The following BARD1 variants were observed in gnomAD, a reference collection of about 807,000 sequenced individuals.
BARD1 encodes the protein BRCA1 associated RING domain 1.
Under a neutral mutation model 77.0 loss-of-function variants are expected in BARD1, and 73 were observed. The ratio of observed to expected loss-of-function variants is 0.95; its 90% CI spans 0.79 to 1.15. The LOEUF (loss-of-function observed/expected upper bound fraction) is 1.15, where lower values mean the gene tolerates loss of function less well. Ranked by LOEUF, BARD1 falls within the 50% of genes most tolerant of loss-of-function variation. The probability of loss-of-function intolerance (pLI) is 0.00; values close to 1 mark genes in which losing one functional copy is unlikely to be tolerated. For missense variants in BARD1, 993 were observed against 938.8 expected (o/e 1.06, Z -0.75); for synonymous variants, 384 against 338.0 (o/e 1.14, Z -1.49).
intron 6 of BARD1, among the ~76,000 whole-genome samples, chr2:214,756,459 C>A (rs1377814965): frequency 1.3e-5 from 2 of 152,144 alleles, no homozygotes; most frequent in African/African-American, 4.8e-5. Flanking sequence ...ACCATTTGAT[C>A]CAGCAATCCC....
intron 1 of BARD1, among the ~76,000 whole-genome samples, chr2:214,800,786 G>C (rs1695982073): frequency 6.6e-6 from 1 of 152,032 alleles, no homozygotes; most frequent in South Asian, 2.1e-4. Flanking sequence ...AAGGAATCAG[G>C]ATAGCATAAG....
At chr2:214,747,341 C>T (rs1196600140) in intron 7 of BARD1, among the ~76,000 whole-genome samples, 3 of 144,586 alleles carry the variant, frequency 2.1e-5, no homozygotes, top group Admixed American at 7.0e-5. Context: ...TTTGACCCAG[C>T]CATCCCATTA....
chr2:214,794,113 C>G (rs997789901), intron 2 of BARD1, among the ~76,000 whole-genome samples: 2 of 151,892 alleles, frequency 1.3e-5, no homozygotes, highest in African/African-American at 2.4e-5. Context: ...ATTAGCCAGG[C>G]GTGGTGGGGT....
chr2:214,754,000 TCA>T, intron 6 of BARD1, among the ~76,000 whole-genome samples: 1 of 152,234 alleles, frequency 6.6e-6, no homozygotes, highest in African/African-American at 2.4e-5. Context: ...GTGACACATG[TCA>T]CAGTATACAT....
intron 3 of BARD1, 145 bp downstream of exon 3, chr2:214,792,152 A>T (rs1389233767): frequency 1.2e-5 from 7 of 575,594 alleles, no homozygotes; most frequent in Non-Finnish European, 1.8e-5. Flanking sequence ...TGGCTATTTA[A>T]AAAAAAAAAA....
intron 4 of BARD1, among the ~76,000 whole-genome samples, chr2:214,771,016 T>C (rs1559413765): frequency 6.6e-6 from 1 of 152,200 alleles, no homozygotes; most frequent in Non-Finnish European, 1.5e-5. Flanking sequence ...AGCTGTAATA[T>C]AAAGGATACT....
intron 1 of BARD1, among the ~76,000 whole-genome samples, chr2:214,805,511 A>G (rs1421686809): frequency 6.6e-6 from 1 of 152,224 alleles, no homozygotes; most frequent in East Asian, 1.9e-4. Context: ...CAGAGAACCT[A>G]TCCTTTATTT....
chr2:214,796,542 A>G (rs1695762256), intron 2 of BARD1, among the ~76,000 whole-genome samples: 1 of 152,202 alleles, frequency 6.6e-6, no homozygotes, highest in South Asian at 2.1e-4. Flanking sequence ...GCTAGGGGAA[A>G]GGCAAGGAGC....
In BARD1 at chr2:214,780,677, T is replaced by TC; in HGVS notation, c.1196_1197insG (p.Ser400LysfsTer2). The TC allele has an allele frequency of 6.2e-7, 1 of 1,614,116 alleles. No individual in the cohort carries two copies. Among genetic ancestry groups the TC allele is most frequent in the Non-Finnish European group, 8.5e-7 (1 of 1,179,998 alleles). ...TCACTCGCCTGTAACTTGAACTACT[T>TC]AATGTAGAAGGTGGTGTACCTGGTG... On this transcript the variant is annotated frameshift_variant, in exon 4 of 11. Coordinates refer to ENST00000260947, the MANE Select transcript of BARD1 (RefSeq NM_000465.4). LOFTEE classifies it high-confidence loss of function.
intron 4 of BARD1, among the ~76,000 whole-genome samples, chr2:214,772,580 T>C (rs1694555093): frequency 6.6e-6 from 1 of 152,202 alleles, no homozygotes; most frequent in Admixed American, 6.5e-5. Context: ...CTTTTAAGGT[T>C]GTTAGACAGT....
rs1437928909 is a variant in BARD1 at position 214,745,728 on chromosome 2, T to A, written c.1804A>T (p.Ser602Cys). The change falls in exon 8 of 11, where the codon AGT becomes TGT. Residue 602 changes from serine (S) to cysteine (C), a missense_variant. Ser to Cys is a moderately radical substitution (Grantham distance 112, BLOSUM62 -1). Coordinates refer to ENST00000260947, the MANE Select transcript of BARD1 (RefSeq NM_000465.4). ...CAAAATTCAAAATCCTCACCTGTACTGTCAAACTCAGTATATTTTTTAGCC... is the reference window on the plus strand; with the variant it reads ...CAAAATTCAAAATCCTCACCTGTACAGTCAAACTCAGTATATTTTTTAGCC... ...LKAKKYTEFD[S>C]TVTHVVVPGD... The A allele has an allele frequency of 1.2e-6, 2 of 1,613,984 alleles. No individual in the cohort carries two copies. Among genetic ancestry groups the A allele is most frequent in the Non-Finnish European group, 1.7e-6 (2 of 1,179,994 alleles).
chr2:214,805,873 ACT>A (rs1696247585), intron 1 of BARD1, among the ~76,000 whole-genome samples: 2 of 152,194 alleles, frequency 1.3e-5, no homozygotes, highest in South Asian at 4.1e-4. Flanking sequence ...GTCTAATCCC[ACT>A]CTCACCCTCA....
chr2:214,761,354 C>T lies in BARD1; in HGVS notation c.1568+6128G>A, dbSNP rs111375557. Among the ~76,000 whole-genome samples the T allele has an allele frequency of 2.1e-3, 313 of 150,766 alleles. 2 individuals are homozygous for T. The highest frequency in any genetic ancestry group is 7.1e-3 in the African/African-American group (292 of 41,094). The stretch of plus-strand genomic sequence containing the variant: ...TGAGTATAATTTTGGTATCAAAATC[C>T]GAGGCAAAAAAATGAAAGATAAAAA... On this transcript the variant is annotated intron_variant, in intron 6 of 10. Coordinates refer to ENST00000260947, the MANE Select transcript of BARD1 (RefSeq NM_000465.4).
chr2:214,756,107 T>C (rs945448292), intron 6 of BARD1, among the ~76,000 whole-genome samples: 1 of 152,180 alleles, frequency 6.6e-6, no homozygotes, highest in Non-Finnish European at 1.5e-5. Flanking sequence ...CCAAATCTCA[T>C]GTCAAATTAT....
chr2:214,744,420 T>G (rs961469932), intron 9 of BARD1, among the ~76,000 whole-genome samples: 5 of 152,198 alleles, frequency 3.3e-5, no homozygotes, highest in Non-Finnish European at 7.3e-5. Context: ...TTCACAGACA[T>G]GTCATGCAGT....
intron 3 of BARD1, among the ~76,000 whole-genome samples, chr2:214,781,803 ATGTATAAGTTC>A (rs1658986481): frequency 6.6e-6 from 1 of 152,220 alleles, no homozygotes; most frequent in Non-Finnish European, 1.5e-5. Flanking sequence ...ATCTAACAGA[ATGTATAAGTTC>A]TGTTTGCTAA....
intron 6 of BARD1, among the ~76,000 whole-genome samples, chr2:214,757,897 T>C (rs1693769601): frequency 6.6e-6 from 1 of 151,886 alleles, no homozygotes; most frequent in African/African-American, 2.4e-5. Flanking sequence ...GTGAAGGACT[T>C]TAAGTGAGAT....
intron 1 of BARD1, among the ~76,000 whole-genome samples, chr2:214,798,215 G>A (rs573776007): frequency 5.3e-5 from 8 of 150,574 alleles, no homozygotes; most frequent in East Asian, 1.9e-4. Flanking sequence ...GAAAGATTGC[G>A]AAAAACAGTA....
Position 214,730,512 on chromosome 2 carries a change from A to C in BARD1, c.1904-4T>G. 1 of 1,610,428 alleles carries C rather than the reference A, an allele frequency of 6.2e-7. No homozygotes were observed. The highest frequency in any genetic ancestry group is 8.5e-7 in the Non-Finnish European group (1 of 1,176,732). The stretch of plus-strand genomic sequence containing the variant: ...CTTCGTAGACATGCTTTTACCCCTG[A>C]CAAAAACACAAGAATTAAAGCAAAC... On this transcript the variant is annotated splice_region_variant and splice_polypyrimidine_tract_variant and intron_variant, in intron 9 of 10. Coordinates refer to ENST00000260947, the MANE Select transcript of BARD1 (RefSeq NM_000465.4).
Sources: allele counts gnomAD v4.1 joint callset (sites outside exome capture counted in the v4.1 genomes callset), GRCh38; gene constraint gnomAD v4.1.1; transcripts MANE v1.5; gene names NCBI Gene and HGNC (gene_info 2026-07-23, HGNC 2026-07-21).